DOK5: variants seen among roughly 807,000 people sequenced by gnomAD.
DOK5 encodes downstream of tyrosine kinase 5.
A neutral mutation model predicts 43.3 loss-of-function variants in DOK5; 27 were observed. The ratio of observed to expected loss-of-function variants is 0.62; its 90% confidence interval spans 0.46 to 0.86. The LOEUF (loss-of-function observed/expected upper bound fraction) is 0.86. DOK5 is among the 40% of genes least tolerant of loss of function. The pLI is 0.00. For synonymous variants in DOK5, 146 were observed against 140.1 expected (o/e 1.04, Z -0.30); for missense variants, 373 against 392.9 (o/e 0.95, Z 0.43).
intron 2 of DOK5, among the ~76,000 whole-genome samples, chr20:54,566,032 A>T (rs1379323844): frequency 6.7e-6 from 1 of 150,112 alleles, no homozygotes; most frequent in Admixed American, 6.6e-5. Context: ...AAAAAAAAAA[A>T]CCCTGAACAT....
At position 54,554,028 on chromosome 20, in the gene DOK5, A is replaced by G. The variant is rs976220691; in HGVS notation, c.67-905A>G. On this transcript the variant is annotated intron_variant, in intron 1 of 7. Transcript: ENST00000262593. ...TGCATTTTCTCTCTCTGGCATTATTAATATTTTAATGTGCTAGTGTACCTT... is the reference window on the plus strand; with the variant it reads ...TGCATTTTCTCTCTCTGGCATTATTGATATTTTAATGTGCTAGTGTACCTT... Among the ~76,000 whole-genome samples, 5 of 151,934 alleles carry G rather than the reference A, an allele frequency of 3.3e-5. No homozygotes were observed. The East Asian group carries it at 9.6e-4, about 29-fold the overall frequency.
intron 2 of DOK5, among the ~76,000 whole-genome samples, chr20:54,563,664 G>GTTTTTTTTTTTTTTTTTT (rs76886127): frequency 7.9e-5 from 9 of 114,344 alleles, no homozygotes; most frequent in South Asian, 2.9e-4. Flanking sequence ...TATTTGTCAG[G>GTTTTTTTTTTTTTTTTTT]TTTTTTTTTT....
At chr20:54,489,750 A>C (rs926306154) in intron 1 of DOK5, among the ~76,000 whole-genome samples, 1 of 152,138 alleles carries the variant, frequency 6.6e-6, no homozygotes, top group Admixed American at 6.6e-5. Flanking sequence ...TCTTTCATGG[A>C]ACATTGGGGT....
intron 6 of DOK5, among the ~76,000 whole-genome samples, chr20:54,634,761 C>CTT (rs1215364485): frequency 7.1e-6 from 1 of 141,828 alleles, no homozygotes; most frequent in Non-Finnish European, 1.5e-5. Context: ...CTACTATCTG[C>CTT]TTTTTTTTTT....
chr20:54,644,868 C>CAA (rs3044097), intron 7 of DOK5, among the ~76,000 whole-genome samples: 69,445 of 145,860 alleles, frequency 0.48, 17,351 homozygotes, highest in Middle Eastern at 0.67. Flanking sequence ...AACTCCATCT[C>CAA]AAAAAAAAAA....
intron 2 of DOK5, among the ~76,000 whole-genome samples, chr20:54,584,236 T>C (rs1751315819): frequency 6.6e-6 from 1 of 151,922 alleles, no homozygotes; most frequent in African/African-American, 2.4e-5. Flanking sequence ...TTCTTGTAGC[T>C]CTTTTGTCCT....
At position 54,636,840 on chromosome 20, in the gene DOK5, T is replaced by C. The variant is rs749689804; in HGVS notation, c.736-6618T>C. Among the ~76,000 whole-genome samples the C allele has an allele frequency of 3.3e-5, 5 of 152,276 alleles. No homozygotes were observed. In the South Asian group the frequency reaches 6.2e-4, roughly 19 times the overall value. On this transcript the variant is annotated intron_variant, in intron 6 of 7. Transcript: ENST00000262593. ...GGTTACAAACGAACTCCCAAGATAATGGCAGCCCCTTTGAAAGGTTTCGCC... is the reference window on the plus strand; with the variant it reads ...GGTTACAAACGAACTCCCAAGATAACGGCAGCCCCTTTGAAAGGTTTCGCC...
At chr20:54,634,441 T>C (rs1443170175) in intron 6 of DOK5, among the ~76,000 whole-genome samples, 2 of 136,636 alleles carry the variant, frequency 1.5e-5, no homozygotes, top group South Asian at 4.9e-4. Context: ...ATCATGCTTT[T>C]TTTTTTTTTT....
At chr20:54,528,959 A>G (rs1357874938) in intron 1 of DOK5, among the ~76,000 whole-genome samples, 2 of 152,200 alleles carry the variant, frequency 1.3e-5, no homozygotes. Flanking sequence ...ATGATTCTCT[A>G]TCTTGCTTGG....
At chr20:54,648,351 T>TA (rs1320809045) in intron 7 of DOK5, among the ~76,000 whole-genome samples, 4 of 152,000 alleles carry the variant, frequency 2.6e-5, no homozygotes, top group African/African-American at 9.7e-5. Context: ...CAAGCAGACA[T>TA]AGTTAATTTC....
intron 6 of DOK5, among the ~76,000 whole-genome samples, chr20:54,620,174 C>A (rs1764250094): frequency 6.6e-6 from 1 of 152,138 alleles, no homozygotes. Context: ...TTGCTACTTG[C>A]AAAGCAATGT....
At chr20:54,638,286 G>A (rs1416028394) in intron 6 of DOK5, among the ~76,000 whole-genome samples, 3 of 152,164 alleles carry the variant, frequency 2.0e-5, no homozygotes, top group Admixed American at 2.0e-4. Context: ...AGTATCTAAA[G>A]GAGGTGATTC....
At chr20:54,548,291 G>T (rs752887960) in intron 1 of DOK5, among the ~76,000 whole-genome samples, 11 of 151,912 alleles carry the variant, frequency 7.2e-5, no homozygotes, top group Non-Finnish European at 1.2e-4. Context: ...CTGGAGTACA[G>T]TGGCACAATC....
intron 1 of DOK5, among the ~76,000 whole-genome samples, chr20:54,534,460 T>A (rs894925376): frequency 6.6e-6 from 1 of 152,202 alleles, no homozygotes; most frequent in Non-Finnish European, 1.5e-5. Context: ...AGTCCTGAGA[T>A]TACTGGCATG....
At chr20:54,506,786 A>T (rs1982821545) in intron 1 of DOK5, among the ~76,000 whole-genome samples, 1 of 152,190 alleles carries the variant, frequency 6.6e-6, no homozygotes. Context: ...AATACCTGCT[A>T]TGTGGCAGCA....
At chr20:54,520,113 G>T (rs965148670) in intron 1 of DOK5, among the ~76,000 whole-genome samples, 4 of 152,090 alleles carry the variant, frequency 2.6e-5, no homozygotes, top group Admixed American at 1.3e-4. Flanking sequence ...TGAACCAAAG[G>T]CAACTCAGTA....
In DOK5 at chr20:54,620,152, T is replaced by C. The variant is rs190023597; in HGVS notation, c.735+9629T>C. Among the ~76,000 whole-genome samples, 107 of 152,372 alleles carry C rather than the reference T, an allele frequency of 7.0e-4. 1 individual carries two copies. In the East Asian group the frequency reaches 0.019, roughly 27 times the overall value. ...TTAATTATCCTTCAAAAAACTTTTA[T>C]GAAATACCTATTTGCTACTTGCAAA... On this transcript the variant is annotated intron_variant, in intron 6 of 7. Transcript: ENST00000262593.
chr20:54,541,828 AG>A (rs1432132643), intron 1 of DOK5, among the ~76,000 whole-genome samples: 2 of 152,034 alleles, frequency 1.3e-5, no homozygotes, highest in African/African-American at 2.4e-5. Flanking sequence ...CCTATCTTCA[AG>A]CTTCTTTATT....
chr20:54,568,983 C>CTAA (rs1985193953), intron 2 of DOK5, among the ~76,000 whole-genome samples: 1 of 96,234 alleles, frequency 1.0e-5, no homozygotes, highest in African/African-American at 3.7e-5. Flanking sequence ...GACTAAAACG[C>CTAA]AAAAAAAAAA....
Sources: allele counts gnomAD v4.1 joint callset (sites outside exome capture counted in the v4.1 genomes callset), GRCh38; gene constraint gnomAD v4.1.1; transcripts MANE v1.5; gene names NCBI Gene and HGNC (gene_info 2026-07-23, HGNC 2026-07-21).